The following PARN variants were observed in gnomAD, a reference collection of about 807,000 sequenced individuals.
The protein encoded by PARN is poly(A)-specific ribonuclease.
In PARN, 71 loss-of-function variants were observed where a neutral mutation model predicts 102.8. That is an observed-to-expected ratio of 0.69 (90% CI 0.57 to 0.84). PARN has a LOEUF of 0.84. Among genes scored for constraint, PARN ranks in the 40% least tolerant of loss-of-function variants. The pLI is 0.00. For synonymous variants in PARN, 261 were observed against 252.9 expected, an observed-to-expected ratio of 1.03 and a Z score of -0.30; for missense variants, 782 against 760.9, an observed-to-expected ratio of 1.03 and a Z score of -0.33.
Position 14,599,929 on chromosome 16 carries a change from C to A in PARN, c.815G>T (p.Arg272Ile). 3 of 1,603,224 alleles carry A rather than the reference C, an allele frequency of 1.9e-6. No homozygotes were observed. The highest frequency in any genetic ancestry group is 2.6e-6 in the Non-Finnish European group (3 of 1,173,218). ...EELNDAVGFS[R>I]VIHAIANSGK... ...CGAATTAGCAATGGCGTGAATGACT[C>A]TAGAAAATCCCACAGCATCATTCAG... Residue 272 changes from arginine (R) to isoleucine (I), a missense_variant, in exon 12 of 24, where the codon AGA (arginine) becomes ATA (isoleucine). Transcript: ENST00000437198.
chr16:14,479,485 A>G (rs1963262212), intron 22 of PARN, among the ~76,000 whole-genome samples: 1 of 152,150 alleles, frequency 6.6e-6, no homozygotes, highest in Non-Finnish European at 1.5e-5. Context: ...CACAGTAAAA[A>G]CTAAAAAATA....
Position 14,595,391 on chromosome 16 carries a change from G to T in PARN, c.841-2013C>A, listed in dbSNP as rs1010873084. The stretch of plus-strand genomic sequence containing the variant: ...ACACACTTATTTATTTAGAGACAGG[G>T]TCTCGCTCTGTTGCCCAGGCTGTAG... On this transcript the variant is annotated intron_variant, in intron 12 of 23. Transcript: ENST00000437198. Among the ~76,000 whole-genome samples the T allele has an allele frequency of 3.3e-5, 5 of 152,228 alleles. No homozygotes were observed. The East Asian group carries it at 9.7e-4, about 29-fold the overall frequency.
intron 20 of PARN, among the ~76,000 whole-genome samples, chr16:14,552,319 G>A (rs984337898): frequency 6.6e-6 from 1 of 152,106 alleles, no homozygotes; most frequent in African/African-American, 2.4e-5. Context: ...AAACCAGGGG[G>A]AAAAGACGCT....
chr16:14,568,028 A>ACTGT (rs1033923721), intron 18 of PARN, among the ~76,000 whole-genome samples: 3 of 152,044 alleles, frequency 2.0e-5, no homozygotes, highest in Non-Finnish European at 2.9e-5. Context: ...ACACAGAGAG[A>ACTGT]CTGTCACCCA....
chr16:14,616,168 C>T (rs1971890450), intron 6 of PARN, among the ~76,000 whole-genome samples: 1 of 152,112 alleles, frequency 6.6e-6, no homozygotes, highest in Non-Finnish European at 1.5e-5. Context: ...CACAGTCTTT[C>T]CAAACACTTT....
At chr16:14,532,827 CCCGGACGGGGTGGCTGG>C (rs1277100086) in intron 21 of PARN, among the ~76,000 whole-genome samples, 1 of 151,032 alleles carries the variant, frequency 6.6e-6, no homozygotes, top group East Asian at 2.0e-4. Flanking sequence ...CCACCTCCCT[CCCGGACGGGGTGGCTGG>C]CCGGGCGGGG....
chr16:14,605,635 T>C (rs1237805446), intron 10 of PARN, among the ~76,000 whole-genome samples: 1 of 152,206 alleles, frequency 6.6e-6, no homozygotes, highest in Non-Finnish European at 1.5e-5. Flanking sequence ...ATAAATTATC[T>C]ACCAAGATTA....
At chr16:14,622,370 T>C (rs548618092) in intron 5 of PARN, among the ~76,000 whole-genome samples, 11 of 152,326 alleles carry the variant, frequency 7.2e-5, no homozygotes, top group East Asian at 1.9e-4. Flanking sequence ...ATGTTGACTA[T>C]AGAATTGCTG....
At position 14,446,880 on chromosome 16, in the gene PARN, A is replaced by G; in HGVS notation, c.1864+8T>C. The G allele has an allele frequency of 6.2e-7, 1 of 1,609,372 alleles. No homozygotes were observed. The highest frequency in any genetic ancestry group is 2.2e-5 in the East Asian group (1 of 44,800). ...GGCCCCAGAACTTCGGCAAGATCCA[A>G]TACAAACCTGCTGGAGAAAGCTCCT... On this transcript the variant is annotated splice_region_variant and intron_variant, in intron 23 of 23. Coordinates refer to ENST00000437198, the MANE Select transcript of PARN (RefSeq NM_002582.4).
At chr16:14,582,080 C>T (rs1402849695) in intron 17 of PARN, 101 bp downstream of exon 17, 4 of 794,846 alleles carry the variant, frequency 5.0e-6, no homozygotes, top group Admixed American at 1.9e-5. Flanking sequence ...TTGTTTAAGC[C>T]CCACACTCGA....
At chr16:14,558,260 C>T (rs1967826579) in intron 18 of PARN, 1 of 152,148 alleles carries the variant, frequency 6.6e-6, no homozygotes, top group African/African-American at 2.4e-5. Context: ...CGGTGAAACC[C>T]TGTCTCTACT....
Position 14,610,823 on chromosome 16 carries a change from T to A in PARN, c.389-14A>T. ...AATATGGAATTCCTAAACACGATTT[T>A]AAAAAGAATGCATTAGCAGAAGTAA... On this transcript the variant is annotated splice_polypyrimidine_tract_variant and intron_variant, in intron 6 of 23. Coordinates refer to ENST00000437198, the MANE Select transcript of PARN (RefSeq NM_002582.4). The A allele has an allele frequency of 6.4e-7, 1 of 1,573,488 alleles. No homozygotes were observed. Among genetic ancestry groups the A allele is most frequent in the South Asian group, 1.1e-5 (1 of 89,558 alleles).
chr16:14,590,937 C>G (rs746194942), intron 13 of PARN, among the ~76,000 whole-genome samples: 3 of 152,140 alleles, frequency 2.0e-5, no homozygotes, highest in African/African-American at 2.4e-5. Flanking sequence ...AGGTGTCTTC[C>G]AATCTAGAAG....
chr16:14,608,113 A>T, intron 9 of PARN, 168 bp downstream of exon 9: 1 of 632,168 alleles, frequency 1.6e-6, no homozygotes, highest in Non-Finnish European at 2.8e-6. Context: ...AAACAATAAC[A>T]AAAGAAAATT....
intron 22 of PARN, among the ~76,000 whole-genome samples, chr16:14,455,703 ACTATTAATAG>A (rs1461830775): frequency 6.6e-6 from 1 of 152,210 alleles, no homozygotes; most frequent in Non-Finnish European, 1.5e-5. Flanking sequence ...AGAATGACTC[ACTATTAATAG>A]CAGGCAGGGC....
Position 14,465,033 on chromosome 16 carries a change from AC to A in PARN, c.1670+17604del, listed in dbSNP as rs1367024816. ...GAACTACACAAAGGAATGAGGAAATACTTACATGGGTAAATAGATAAGATTT... is the reference window on the plus strand; with the variant it reads ...GAACTACACAAAGGAATGAGGAAATATTACATGGGTAAATAGATAAGATTT... On this transcript the variant is annotated intron_variant, in intron 22 of 23. Transcript: ENST00000437198. 2.6e-5 allele frequency among the ~76,000 whole-genome samples: 4 copies of A among 152,296 alleles called. No homozygotes were observed. The East Asian group carries it at 5.8e-4, about 22-fold the overall frequency.
At chr16:14,547,280 C>T (rs1967015174) in intron 21 of PARN, among the ~76,000 whole-genome samples, 1 of 151,948 alleles carries the variant, frequency 6.6e-6, no homozygotes, top group Admixed American at 6.6e-5. Context: ...TATCCAAACA[C>T]CCCAAAGCCA....
intron 21 of PARN, among the ~76,000 whole-genome samples, chr16:14,544,133 G>C (rs1206343832): frequency 6.6e-6 from 1 of 151,622 alleles, no homozygotes; most frequent in Non-Finnish European, 1.5e-5. Flanking sequence ...TGGAGGTTGC[G>C]GTGAGCCAAG....
Position 14,504,287 on chromosome 16 carries a change from C to A in PARN, c.1481-21460G>T, listed in dbSNP as rs969433331. Among the ~76,000 whole-genome samples, 3 of 152,148 alleles carry A rather than the reference C, an allele frequency of 2.0e-5. No homozygotes were observed. The East Asian group carries it at 5.8e-4, about 29-fold the overall frequency. On this transcript the variant is annotated intron_variant, in intron 21 of 23. Transcript: ENST00000437198. ...TATGTGAGGTTGAGGGAGGCCGGCA[C>A]GGTGGCTCACACCTGTAATCCCAGC...
Sources: allele counts gnomAD v4.1 joint callset (sites outside exome capture counted in the v4.1 genomes callset), GRCh38; gene constraint gnomAD v4.1.1; transcripts MANE v1.5; gene names NCBI Gene and HGNC (gene_info 2026-07-23, HGNC 2026-07-21).